The following BBS1 variants were observed in gnomAD, a reference collection of about 807,000 sequenced individuals.
The protein encoded by BBS1 is BBSome complex member BBS1.
Under a neutral mutation model 73.9 loss-of-function variants are expected in BBS1, and 60 were observed. The ratio of observed to expected loss-of-function variants is 0.81; its 90% CI spans 0.66 to 1.01. The LOEUF (loss-of-function observed/expected upper bound fraction) is 1.01. BBS1 is among the 50% of genes least tolerant of loss of function. The pLI, the probability that BBS1 is intolerant of heterozygous loss-of-function variation, is 0.00. For synonymous variants in BBS1, 283 were observed against 317.4 expected, an observed-to-expected ratio of 0.89 and a Z score of 1.15; for missense variants, 718 against 770.3, an observed-to-expected ratio of 0.93 and a Z score of 0.80.
intron 9 of BBS1, chr11:66,522,976 C>T (rs187115562): frequency 1.4e-5 from 5 of 365,572 alleles, no homozygotes; most frequent in African/African-American, 6.4e-5. Context: ...AAGACATTGG[C>T]GTGTGCTCCT....
Position 66,511,363 on chromosome 11 carries a change from T to C in BBS1, c.159+124T>C, listed in dbSNP as rs1855943263. On this transcript the variant is annotated intron_variant, in intron 3 of 16. Coordinates refer to ENST00000318312, the MANE Select transcript of BBS1 (RefSeq NM_024649.5). ...TTCACATATACTGTGAAAAAGCACA[T>C]TTAGCGTTAAATTTTGTTTTTATAT... is the stretch of plus-strand genomic sequence containing the variant. The C allele has an allele frequency of 1.4e-5, 17 of 1,204,066 alleles. No homozygotes were observed. The South Asian group carries it at 1.8e-4, about 12-fold the overall frequency. 74.6% of individuals were successfully genotyped at this position (1,204,066 alleles called of 1,614,324 possible).
Position 66,510,677 on chromosome 11 carries a change from A to C in BBS1, c.18A>C (p.Ser6=), listed in dbSNP as rs758441011. The C allele has an allele frequency of 1.9e-6, 3 of 1,614,152 alleles. No individual in the cohort carries two copies. Among genetic ancestry groups the C allele is most frequent in the Admixed American group, 1.7e-5 (1 of 60,032 alleles). The change falls in exon 1 of 17, where the codon TCA becomes TCC. Residue 6 remains serine, a synonymous_variant. Coordinates refer to ENST00000318312, the MANE Select transcript of BBS1 (RefSeq NM_024649.5). MAAAS[S]SDSDACGAES... is the part of the protein sequence containing the mutation. ...CTGCGAAGATGGCCGCTGCGTCCTC[A>C]TCGGATTCCGACGCCTGCGGAGCTG...
At chr11:66,530,199 CAGAT>C (rs1354737321) in intron 14 of BBS1, among the ~76,000 whole-genome samples, 2 of 152,158 alleles carry the variant, frequency 1.3e-5, no homozygotes, top group African/African-American at 2.4e-5. Context: ...CTCTCCAGCT[CAGAT>C]AGGCCCCCAG....
intron 13 of BBS1, among the ~76,000 whole-genome samples, chr11:66,527,315 A>G (rs1011807150): frequency 5.9e-5 from 9 of 151,898 alleles, no homozygotes; most frequent in Non-Finnish European, 1.3e-4. Flanking sequence ...TCGTTCGTTC[A>G]TTCATTCATT....
Position 66,528,886 on chromosome 11 carries a change from T to C in BBS1, c.1340-933T>C, listed in dbSNP as rs931042034. On this transcript the variant is annotated intron_variant, in intron 13 of 16. Transcript: ENST00000318312. ...GGGAGGCTGAGGCAGGAGAATCGAT[T>C]GAACCCGGGAGGCAGAGGTTGCAGT... Among the ~76,000 whole-genome samples, 4 of 146,316 alleles carry C rather than the reference T, an allele frequency of 2.7e-5. 1 individual carries two copies. In the East Asian group the frequency reaches 8.1e-4, roughly 30 times the overall value.
At chr11:66,518,303 G>C (rs925587978) in intron 7 of BBS1, among the ~76,000 whole-genome samples, 1 of 151,914 alleles carries the variant, frequency 6.6e-6, no homozygotes, top group Non-Finnish European at 1.5e-5. Flanking sequence ...TGTCACCCAG[G>C]CTGGAGTGCA....
At chr11:66,521,121 T>G in intron 8 of BBS1, 149 bp from the exon 9 acceptor site, 1 of 707,418 alleles carries the variant, frequency 1.4e-6, no homozygotes, top group Non-Finnish European at 2.6e-6. Context: ...GCCCCAAGTT[T>G]CCCTCCTGAA....
At chr11:66,521,215 C>T (rs1325558994) in intron 8 of BBS1, 55 bp from the exon 9 acceptor site, 1 of 1,348,166 alleles carries the variant, frequency 7.4e-7, no homozygotes, top group African/African-American at 1.4e-5. Context: ...ACTGACAGGG[C>T]AGGGAGGGAC....
rs1291184039 is a variant in BBS1 at position 66,510,701 on chromosome 11, TGA to T, written c.46_47del (p.Ser16GlnfsTer2). On this transcript the variant is annotated frameshift_variant, in exon 1 of 17. Transcript: ENST00000318312. LOFTEE classifies it high-confidence loss of function. ...SSSDSDACGA[E>X]SNEANSKWLD... is the part of the protein sequence containing the mutation. ...CATCGGATTCCGACGCCTGCGGAGC[TGA>T]GAGGTGAAGGCAGGGCTCCTCAAGG... 6.2e-7 allele frequency: 1 copy of T among 1,614,158 alleles called. No individual in the cohort carries two copies. Among genetic ancestry groups the T allele is most frequent in the Non-Finnish European group, 8.5e-7 (1 of 1,180,020 alleles).
intron 13 of BBS1, chr11:66,527,022 A>G (rs1416995603): frequency 2.0e-6 from 3 of 1,536,268 alleles, no homozygotes; most frequent in Non-Finnish European, 2.6e-6. Context: ...GGTGACAGCA[A>G]GAGCCCTTAG....
At chr11:66,521,904 C>CAAA (rs1183524219) in intron 9 of BBS1, among the ~76,000 whole-genome samples, 60 of 36,398 alleles carry the variant, frequency 1.6e-3, no homozygotes, top group East Asian at 1.9e-3. Context: ...GACTCCGTCT[C>CAAA]AAAAAAAAAA....
intron 9 of BBS1, 59 bp downstream of exon 9, chr11:66,521,435 A>G (rs1341190066): frequency 1.2e-5 from 16 of 1,360,596 alleles, no homozygotes; most frequent in Non-Finnish European, 1.5e-5. Context: ...TGGTGGCTTC[A>G]GAGGCTTGCA....
intron 9 of BBS1, among the ~76,000 whole-genome samples, chr11:66,522,074 G>T (rs1284403952): frequency 1.3e-5 from 2 of 151,164 alleles, no homozygotes; most frequent in Non-Finnish European, 2.9e-5. Flanking sequence ...AAAATTAGCT[G>T]GGCATGGTGG....
intron 3 of BBS1, 31 bp from the exon 4 acceptor site, chr11:66,514,375 G>A (rs375710151): frequency 5.6e-5 from 91 of 1,613,440 alleles, no homozygotes; most frequent in Admixed American, 1.0e-4. Context: ...TTCAGACCCT[G>A]AGCCTAGAAT....
At chr11:66,512,673 G>A (rs1855976946) in intron 3 of BBS1, among the ~76,000 whole-genome samples, 1 of 152,226 alleles carries the variant, frequency 6.6e-6, no homozygotes, top group African/African-American at 2.4e-5. Context: ...AGACACAGTA[G>A]CTAATAAGAA....
chr11:66,517,479 T>A (rs1856075232), intron 7 of BBS1, among the ~76,000 whole-genome samples: 1 of 150,568 alleles, frequency 6.6e-6, no homozygotes, highest in Non-Finnish European at 1.5e-5. Context: ...CTTTTTTTTT[T>A]TTTTTTGGAG....
In BBS1 at chr11:66,531,938, C is replaced by A; in HGVS notation, c.1696-13C>A. 1 of 1,577,244 alleles carries A rather than the reference C, an allele frequency of 6.3e-7. No individual in the cohort carries two copies. The highest frequency in any genetic ancestry group is 1.7e-4 in the Middle Eastern group (1 of 5,818). ...GGTGTATGCCCCCTGCTGCCATGGC[C>A]ACTCCTCCATAGGTGCTGGTGCTTC... On this transcript the variant is annotated splice_polypyrimidine_tract_variant and intron_variant, in intron 16 of 16. Transcript: ENST00000318312.
At chr11:66,514,761 C>A in intron 4 of BBS1, 83 bp downstream of exon 4, 1 of 1,540,962 alleles carries the variant, frequency 6.5e-7, no homozygotes, top group East Asian at 2.2e-5. Flanking sequence ...CTGGGAAGAA[C>A]GTGGGCTGGT....
intron 3 of BBS1, 31 bp downstream of exon 3, chr11:66,511,270 AG>A: frequency 6.2e-7 from 1 of 1,613,150 alleles, no homozygotes; most frequent in Non-Finnish European, 8.5e-7. Context: ...AGGAGAGTTG[AG>A]GGTAGGGGGG....
Sources: allele counts gnomAD v4.1 joint callset (sites outside exome capture counted in the v4.1 genomes callset), GRCh38; gene constraint gnomAD v4.1.1; transcripts MANE v1.5; gene names NCBI Gene and HGNC (gene_info 2026-07-23, HGNC 2026-07-21).